The following LRRC4C variants were observed in gnomAD, a reference collection of about 807,000 sequenced individuals.
LRRC4C encodes the protein leucine-rich repeat-containing protein 4C.
A neutral mutation model predicts 33.6 loss-of-function variants in LRRC4C; 5 were observed. The ratio of observed to expected loss-of-function variants is 0.15; its 90% CI spans 0.08 to 0.31. The LOEUF (loss-of-function observed/expected upper bound fraction) is 0.31, where lower values mean the gene tolerates loss of function less well. Ranked by LOEUF, LRRC4C falls within the 10% of genes least tolerant of loss-of-function variation. LRRC4C has a pLI of 1.00. For synonymous variants in LRRC4C, 329 were observed against 302.0 expected, an observed-to-expected ratio of 1.09 and a Z score of -0.93; for missense variants, 560 against 796.7, an observed-to-expected ratio of 0.70 and a Z score of 3.58.
chr11:41,025,567 C>T (rs993736141), intron 1 of LRRC4C, among the ~76,000 whole-genome samples: 2 of 151,394 alleles, frequency 1.3e-5, no homozygotes, highest in Middle Eastern at 3.4e-3. Flanking sequence ...TTGAAGCTAG[C>T]GGAGGCTGGT....
rs368474291 is a variant in LRRC4C, at chr11:41,265,220, C to T, written c.-496+194211G>A. 2.0e-5 allele frequency among the ~76,000 whole-genome samples: 3 copies of T among 152,206 alleles called. No individual in the cohort carries two copies. In the South Asian group the frequency reaches 6.2e-4, roughly 32 times the overall value. ...GTGATATCTCTTTGTGTAGCTCATC[C>T]AGTCCCAATAATAACACTCTGACCT... On this transcript the variant is annotated intron_variant, in intron 1 of 6. Coordinates refer to ENST00000528697, the MANE Select transcript of LRRC4C (RefSeq NM_001258419.2).
At chr11:40,218,659 A>G (rs1590739936) in intron 5 of LRRC4C, among the ~76,000 whole-genome samples, 1 of 78,920 alleles carries the variant, frequency 1.3e-5, no homozygotes, top group South Asian at 4.5e-4. Flanking sequence ...TCTATCATCT[A>G]TTGCCATAAA....
At chr11:41,301,917 T>G (rs1253340969) in intron 1 of LRRC4C, among the ~76,000 whole-genome samples, 1 of 152,226 alleles carries the variant, frequency 6.6e-6, no homozygotes, top group South Asian at 2.1e-4. Context: ...GTTTACTGTA[T>G]ACTATTTACT....
At chr11:40,246,915 T>A (rs565999789) in intron 4 of LRRC4C, among the ~76,000 whole-genome samples, 1 of 152,180 alleles carries the variant, frequency 6.6e-6, no homozygotes, top group African/African-American at 2.4e-5. Flanking sequence ...TTATCAGAAA[T>A]CTAAGCACGT....
At chr11:40,854,682 TTG>T (rs1953687796) in intron 2 of LRRC4C, among the ~76,000 whole-genome samples, 1 of 151,574 alleles carries the variant, frequency 6.6e-6, no homozygotes, top group African/African-American at 2.4e-5. Flanking sequence ...AAAAATATGT[TTG>T]TGTAATTAAA....
chr11:40,902,690 T>C (rs1036387716), intron 2 of LRRC4C, among the ~76,000 whole-genome samples: 15 of 152,174 alleles, frequency 9.9e-5, no homozygotes, highest in Admixed American at 2.6e-4. Flanking sequence ...ACAGCCTGAC[T>C]GCTGATACGG....
In LRRC4C at chr11:40,688,307, C is replaced by T. The variant is rs1419077663; in HGVS notation, c.-406-40029G>A. Among the ~76,000 whole-genome samples, 3 of 152,078 alleles carry T rather than the reference C, an allele frequency of 2.0e-5. No individual in the cohort carries two copies. In the East Asian group the frequency reaches 5.8e-4, roughly 29 times the overall value. On this transcript the variant is annotated intron_variant, in intron 2 of 6. Coordinates refer to ENST00000528697, the MANE Select transcript of LRRC4C (RefSeq NM_001258419.2). ...TTCAACAGGACTGTTTCAAGATCCT[C>T]CCTTGTTAGCTTTACCTGTGAATTT...
At chr11:41,327,834 C>T (rs1325031599) in intron 1 of LRRC4C, among the ~76,000 whole-genome samples, 2 of 152,136 alleles carry the variant, frequency 1.3e-5, no homozygotes, top group Admixed American at 6.5e-5. Context: ...CTATGTAAGA[C>T]GTATCTTTGC....
chr11:40,288,770 T>C (rs1252974983), intron 4 of LRRC4C, among the ~76,000 whole-genome samples: 1 of 152,224 alleles, frequency 6.6e-6, no homozygotes, highest in Non-Finnish European at 1.5e-5. Context: ...TGAATCCAAA[T>C]TGTGGTTTTG....
rs1952283832 is a variant in LRRC4C, at chr11:41,359,730, A to C, written c.-496+99701T>G. ...TTCAGATATTTAAAAAATAAATCAT[A>C]GAGAAGGAAAATAAAGTGCCTGAGG... On this transcript the variant is annotated intron_variant, in intron 1 of 6. Transcript: ENST00000528697. 2.0e-5 allele frequency among the ~76,000 whole-genome samples: 3 copies of C among 152,216 alleles called. No individual in the cohort carries two copies. In the South Asian group the frequency reaches 6.2e-4, roughly 31 times the overall value.
intron 2 of LRRC4C, among the ~76,000 whole-genome samples, chr11:40,774,895 C>A (rs1402674602): frequency 6.6e-6 from 1 of 152,060 alleles, no homozygotes; most frequent in African/African-American, 2.4e-5. Context: ...TAGACCAAAG[C>A]ATCAATCTTG....
At chr11:40,244,585 T>C (rs562899021) in intron 4 of LRRC4C, among the ~76,000 whole-genome samples, 2 of 152,314 alleles carry the variant, frequency 1.3e-5, no homozygotes, top group East Asian at 3.9e-4. Context: ...ATTTACTCCC[T>C]TCAAAGTCAT....
chr11:41,172,466 A>C (rs10160299), intron 1 of LRRC4C, among the ~76,000 whole-genome samples: 6,586 of 152,214 alleles, frequency 0.043, 164 homozygotes, highest in East Asian at 0.07. Context: ...TTTCCTTCAA[A>C]GGTCACTTCT....
intron 5 of LRRC4C, among the ~76,000 whole-genome samples, chr11:40,231,889 C>T (rs1865225634): frequency 6.6e-6 from 1 of 151,944 alleles, no homozygotes; most frequent in Non-Finnish European, 1.5e-5. Context: ...ATTTTTAGTT[C>T]TGGGGTACAT....
In LRRC4C at chr11:40,838,586, G is replaced by A. The variant is rs189305312; in HGVS notation, c.-407+95049C>T. Among the ~76,000 whole-genome samples, 249 of 146,390 alleles carry A rather than the reference G, an allele frequency of 1.7e-3. 2 individuals carry two copies. Among genetic ancestry groups the A allele is most frequent in the Middle Eastern group, 3.5e-3 (1 of 288 alleles). ...ATAAATTCTGCTCTATTACTCTAAG[G>A]AGTTTGTTTATATATGATGAAAATA... On this transcript the variant is annotated intron_variant, in intron 2 of 6. Transcript: ENST00000528697.
chr11:41,337,994 C>T (rs1951509785), intron 1 of LRRC4C, among the ~76,000 whole-genome samples: 1 of 152,144 alleles, frequency 6.6e-6, no homozygotes, highest in South Asian at 2.1e-4. Context: ...GATACCATCC[C>T]ATCCCAATCA....
intron 5 of LRRC4C, among the ~76,000 whole-genome samples, chr11:40,163,859 T>C (rs1318460872): frequency 6.6e-6 from 1 of 152,182 alleles, no homozygotes; most frequent in Non-Finnish European, 1.5e-5. Context: ...TTTTTTGCTT[T>C]TGCAAAAAAT....
intron 2 of LRRC4C, among the ~76,000 whole-genome samples, chr11:40,701,719 C>T (rs1019634784): frequency 3.3e-4 from 50 of 151,344 alleles, no homozygotes; most frequent in Non-Finnish European, 1.2e-4. Context: ...GTGTAACCAA[C>T]ATGAAAAATC....
intron 1 of LRRC4C, among the ~76,000 whole-genome samples, chr11:40,997,320 T>G (rs905639160): frequency 6.6e-6 from 1 of 152,014 alleles, no homozygotes; most frequent in Non-Finnish European, 1.5e-5. Flanking sequence ...TAAAGGGACA[T>G]AACCACAGGA....
Sources: allele counts gnomAD v4.1 joint callset (sites outside exome capture counted in the v4.1 genomes callset), GRCh38; gene constraint gnomAD v4.1.1; transcripts MANE v1.5; gene names NCBI Gene and HGNC (gene_info 2026-07-23, HGNC 2026-07-21).